NME9: variants seen among roughly 807,000 people sequenced by gnomAD.
NME9 encodes thioredoxin domain-containing protein 6.
Under a neutral mutation model 44.4 loss-of-function variants are expected in NME9, and 48 were observed. The ratio of observed to expected loss-of-function variants is 1.08; its 90% CI spans 0.86 to 1.37. The LOEUF (loss-of-function observed/expected upper bound fraction) is 1.37, where lower values mean the gene tolerates loss of function less well. NME9 is among the 40% of genes most tolerant of loss of function. The pLI is 0.00. For synonymous variants in NME9, 139 were observed against 147.1 expected (o/e 0.94, Z 0.40); for missense variants, 325 against 405.2 (o/e 0.80, Z 1.70).
intron 8 of NME9, chr3:138,274,496 C>G (rs1190321506): frequency 6.2e-7 from 1 of 1,612,922 alleles, no homozygotes. Flanking sequence ...TTATGCAAGC[C>G]GTCACTCTTA....
intron 6 of NME9, among the ~76,000 whole-genome samples, chr3:138,308,945 GAAAAAAAAAAAA>G (rs1002890235): frequency 3.8e-5 from 2 of 52,886 alleles, no homozygotes; most frequent in Non-Finnish European, 9.0e-5. Context: ...AATACTGAAA[GAAAAAAAAAAAA>G]AAAAAAAAAA....
intron 8 of NME9, among the ~76,000 whole-genome samples, chr3:138,305,711 T>G (rs1247956094): frequency 1.3e-5 from 2 of 152,230 alleles, no homozygotes; most frequent in East Asian, 3.8e-4. Flanking sequence ...CCTAGCTTCC[T>G]TTTGTCTCCA....
Position 138,305,153 on chromosome 3 carries a change from C to A in NME9, c.637-126G>T, listed in dbSNP as rs902614400. 1.2e-5 allele frequency: 10 copies of A among 848,752 alleles called. No homozygotes were observed. The Admixed American group carries it at 1.4e-4, about 12-fold the overall frequency. The allele number at this position is 848,752 out of a possible 1,614,324, so 52.6% of individuals were successfully genotyped here. On this transcript the variant is annotated intron_variant, in intron 8 of 10. Transcript: ENST00000333911. The stretch of plus-strand genomic sequence containing the variant: ...AGCAGCCTTGCTACCAGCCAGCATG[C>A]CCGTGGCCACTCAGCCACTGCACCC...
intron 8 of NME9, among the ~76,000 whole-genome samples, chr3:138,293,135 A>C (rs1489093437): frequency 6.6e-6 from 1 of 152,106 alleles, no homozygotes; most frequent in African/African-American, 2.4e-5. Flanking sequence ...GCTCCACTGA[A>C]GGGGAGAGGA....
intron 1 of NME9, among the ~76,000 whole-genome samples, chr3:138,325,542 G>T (rs1417599857): frequency 6.6e-6 from 1 of 151,950 alleles, no homozygotes; most frequent in African/African-American, 2.4e-5. Context: ...CTGAGGAGCT[G>T]GGATTACAGG....
At chr3:138,293,914 C>G (rs2051225101) in intron 8 of NME9, among the ~76,000 whole-genome samples, 1 of 152,308 alleles carries the variant, frequency 6.6e-6, no homozygotes, top group South Asian at 2.1e-4. Context: ...GTTTTTAGCT[C>G]TTCTTAAACG....
In NME9 at chr3:138,284,611, A is replaced by T. The variant is rs867817643; in HGVS notation, c.745+18896T>A. On this transcript the variant is annotated intron_variant, in intron 8 of 8. Transcript: ENST00000317876. ...TCAAAATAAATTGTGCAGAGATTTT[A>T]AAAAGAGGAAAAGAATAGATTACTC... The T allele has an allele frequency of 3.3e-5, 33 of 996,838 alleles. No homozygotes were observed. In the Middle Eastern group the frequency reaches 1.1e-3, roughly 32 times the overall value. 61.7% of individuals were successfully genotyped at this position (996,838 alleles called of 1,614,324 possible).
intron 4 of NME9, among the ~76,000 whole-genome samples, chr3:138,315,855 G>T (rs910762027): frequency 7.9e-5 from 12 of 151,776 alleles, no homozygotes; most frequent in African/African-American, 2.7e-4. Context: ...TGTTCGAGAC[G>T]GAGTCTTGCT....
intron 1 of NME9, among the ~76,000 whole-genome samples, chr3:138,328,257 T>C (rs2053912490): frequency 6.6e-6 from 1 of 152,206 alleles, no homozygotes; most frequent in African/African-American, 2.4e-5. Flanking sequence ...GGTTATGTGA[T>C]GTAGTCAAAG....
At chr3:138,328,521 G>A (rs1029327655) in intron 1 of NME9, among the ~76,000 whole-genome samples, 9 of 152,118 alleles carry the variant, frequency 5.9e-5, no homozygotes, top group African/African-American at 1.4e-4. Flanking sequence ...TCTAGGAGGC[G>A]CTGTAGCCTT....
At chr3:138,297,557 T>G (rs191044555), downstream of NME9, 3 of 152,316 alleles carry the variant, frequency 2.0e-5, no homozygotes, top group Admixed American at 2.0e-4. Flanking sequence ...GATTTAAATG[T>G]TTGGTTGCAA....
intron 3 of NME9, 23 bp from the exon 4 acceptor site, chr3:138,318,242 G>A: frequency 6.4e-7 from 1 of 1,554,664 alleles, no homozygotes; most frequent in Non-Finnish European, 8.9e-7. Context: ...ACTATCAGCA[G>A]GTACCCTGGA....
At chr3:138,281,074 T>C (rs544586802) in intron 8 of NME9, among the ~76,000 whole-genome samples, 1 of 152,338 alleles carries the variant, frequency 6.6e-6, no homozygotes, top group Non-Finnish European at 1.5e-5. Flanking sequence ...CAAGTAGATA[T>C]GGCTGTCTTC....
intron 8 of NME9, chr3:138,284,294 A>G (rs1174233844): frequency 4.5e-6 from 3 of 666,268 alleles, no homozygotes; most frequent in Non-Finnish European, 8.0e-6. Context: ...ATGTCAGCAG[A>G]TGAGAAATCA....
At position 138,329,326 on chromosome 3, in the gene NME9, T is replaced by C. The variant is rs1221410016; in HGVS notation, c.10A>G (p.Arg4Gly). The change falls in exon 1 of 11, where the codon AGG becomes GGG. Residue 4 changes from arginine to glycine, a missense_variant. Physicochemically the swap from Arg to Gly is moderately radical, Grantham distance 125. Transcript: ENST00000333911. Reference sequence around the variant, plus strand: ...ACCTGCAGGGCAATTTCCTTCTTCCTGCTGCCCATGGCTCTGCAAAGAAGA... The same window carrying C: ...ACCTGCAGGGCAATTTCCTTCTTCCCGCTGCCCATGGCTCTGCAAAGAAGA... The part of the protein sequence containing the change: MGS[R>G]KKEIALQVNI... 6.5e-7 allele frequency: 1 copy of C among 1,536,160 alleles called. No homozygotes were observed. The highest frequency in any genetic ancestry group is 2.4e-5 in the East Asian group (1 of 40,906).
intron 8 of NME9, among the ~76,000 whole-genome samples, chr3:138,294,810 G>C (rs2051312203): frequency 6.6e-6 from 1 of 152,124 alleles, no homozygotes; most frequent in Non-Finnish European, 1.5e-5. Flanking sequence ...CCACCTCAAA[G>C]GAGGCCACTT....
intron 8 of NME9, chr3:138,267,256 T>G (rs1000664605): frequency 1.7e-5 from 25 of 1,496,324 alleles, no homozygotes; most frequent in Non-Finnish European, 2.1e-5. Flanking sequence ...GTATTGATTT[T>G]CTTTTCCTAG....
downstream of NME9, among the ~76,000 whole-genome samples, chr3:138,299,654 G>C (rs1375548588): frequency 6.6e-6 from 1 of 152,054 alleles, no homozygotes; most frequent in Non-Finnish European, 1.5e-5. Context: ...CCAGTAATGG[G>C]AGGAAGGGGC....
At chr3:138,317,566 A>G (rs2053173542) in intron 4 of NME9, among the ~76,000 whole-genome samples, 1 of 152,264 alleles carries the variant, frequency 6.6e-6, no homozygotes. Context: ...ACACTGGGCC[A>G]CTTGGTTTTC....
Sources: gnomAD v4.1 joint callset for allele counts (sites outside exome capture counted in the v4.1 genomes callset) on GRCh38, gnomAD v4.1.1 for gene constraint, MANE v1.5 for transcripts, NCBI Gene and HGNC (gene_info 2026-07-23, HGNC 2026-07-21) for gene names.